YEATS2: variants seen among roughly 807,000 people sequenced by gnomAD.
YEATS2 encodes YEATS domain-containing protein 2.
Under a neutral mutation model 163.2 loss-of-function variants are expected in YEATS2, and 77 were observed. The ratio of observed to expected loss-of-function variants is 0.47; its 90% CI spans 0.39 to 0.57. The LOEUF is 0.57. Ranked by LOEUF, YEATS2 falls within the 20% of genes least tolerant of loss-of-function variation. YEATS2 has a pLI of 0.00. For missense variants in YEATS2, 1,549 were observed against 1,729.8 expected (o/e 0.90, Z 1.85); for synonymous variants, 631 against 645.1 (o/e 0.98, Z 0.33).
chr3:183,748,540 G>A (rs1339961590), intron 9 of YEATS2, among the ~76,000 whole-genome samples: 4 of 152,102 alleles, frequency 2.6e-5, no homozygotes, highest in African/African-American at 9.6e-5. Context: ...CAAAGTGCTG[G>A]GATTACAGGC....
intron 8 of YEATS2, among the ~76,000 whole-genome samples, chr3:183,740,578 G>A (rs576904380): frequency 6.6e-6 from 1 of 152,358 alleles, no homozygotes; most frequent in East Asian, 1.9e-4. Context: ...CTATTCTAGG[G>A]CAAGGCCCTA....
chr3:183,718,712 T>A (rs1716170109), intron 4 of YEATS2, 120 bp downstream of exon 4: 1 of 884,574 alleles, frequency 1.1e-6, no homozygotes. Flanking sequence ...TTTTGGTTTT[T>A]TTTTGAGACG....
chr3:183,785,820 C>T (rs930620075), intron 19 of YEATS2, among the ~76,000 whole-genome samples: 5 of 152,256 alleles, frequency 3.3e-5, no homozygotes, highest in African/African-American at 1.2e-4. Flanking sequence ...CATTTAAGAG[C>T]ATGTTGTAAT....
Position 183,754,227 on chromosome 3 carries a change from A to G in YEATS2, c.1252A>G (p.Thr418Ala), listed in dbSNP as rs754508211. ...PTKMTTSQKV[T>A]FCSHGNSAFQ... The stretch of plus-strand genomic sequence containing the variant: ...CAAAATGACTACATCCCAGAAAGTT[A>G]CCTTTTGTTCCCATGGCAATTCAGC... Residue 418 changes from threonine (T) to alanine (A), a missense_variant, in exon 11 of 31, where the codon ACC becomes GCC. By Grantham distance (58) the Thr-to-Ala change is moderately conservative. Coordinates refer to ENST00000305135, the MANE Select transcript of YEATS2 (RefSeq NM_018023.5). 2.5e-6 allele frequency: 4 copies of G among 1,613,994 alleles called. No individual in the cohort carries two copies. Among genetic ancestry groups the G allele is most frequent in the Non-Finnish European group, 3.4e-6 (4 of 1,179,942 alleles).
chr3:183,768,762 C>T (rs1004822418), intron 15 of YEATS2, among the ~76,000 whole-genome samples: 1 of 152,032 alleles, frequency 6.6e-6, no homozygotes, highest in Non-Finnish European at 1.5e-5. Context: ...CGCCTGAGGT[C>T]GGGAGTTCAA....
rs869091775 is a variant in YEATS2, at chr3:183,730,052, G to GTTT, written c.812+1234_812+1236dup. The stretch of plus-strand genomic sequence containing the variant: ...ATATTAATTGTGTGGTTTTTTGTTT[G>GTTT]TTTTTTTTTTTTTTTTTTTTTTTTT... On this transcript the variant is annotated intron_variant, in intron 7 of 30. Coordinates refer to ENST00000305135, the MANE Select transcript of YEATS2 (RefSeq NM_018023.5). 3.1e-3 allele frequency among the ~76,000 whole-genome samples: 129 copies of GTTT among 41,692 alleles called. 9 individuals carry two copies. The highest frequency in any genetic ancestry group is 4.4e-3 in the Non-Finnish European group (100 of 22,798). The allele number at this position is 41,692 out of a possible 152,430, so 27.4% of individuals were successfully genotyped here.
chr3:183,772,253 G>C (rs1398081290), intron 15 of YEATS2, 52 bp from the exon 16 acceptor site: 1 of 1,604,278 alleles, frequency 6.2e-7, no homozygotes, highest in African/African-American at 1.3e-5. Context: ...AACGGTGACT[G>C]CTGTTCTAAG....
intron 6 of YEATS2, 53 bp downstream of exon 6, chr3:183,724,584 G>A (rs1560237120): frequency 2.3e-6 from 3 of 1,330,326 alleles, no homozygotes; most frequent in East Asian, 2.4e-5. Flanking sequence ...TAATATTTTG[G>A]CATTAATACT....
chr3:183,731,550 T>A (rs548805616), intron 7 of YEATS2, among the ~76,000 whole-genome samples: 2 of 152,350 alleles, frequency 1.3e-5, no homozygotes, highest in South Asian at 4.1e-4. Flanking sequence ...GCAAAGACTA[T>A]TCCTGCAGTA....
At chr3:183,742,803 A>G (rs1437117284) in intron 8 of YEATS2, among the ~76,000 whole-genome samples, 1 of 152,260 alleles carries the variant, frequency 6.6e-6, no homozygotes, top group East Asian at 1.9e-4. Context: ...CTTTCATAAA[A>G]GGAAGTCAGT....
chr3:183,767,300 A>C (rs1406612732), intron 15 of YEATS2, among the ~76,000 whole-genome samples: 1 of 151,974 alleles, frequency 6.6e-6, no homozygotes, highest in Non-Finnish European at 1.5e-5. Context: ...GTCTTGACTC[A>C]CTGCAACCTC....
At chr3:183,774,613 A>G (rs930193106) in intron 17 of YEATS2, among the ~76,000 whole-genome samples, 2 of 152,230 alleles carry the variant, frequency 1.3e-5, no homozygotes, top group Non-Finnish European at 2.9e-5. Flanking sequence ...GTTTATCTGC[A>G]GTTAAAGAAA....
chr3:183,754,310 T>C lies in YEATS2; in HGVS notation c.1335T>C (p.Pro445=), dbSNP rs762618683. 8 of 1,614,062 alleles carry C rather than the reference T, an allele frequency of 5.0e-6. No homozygotes were observed. The South Asian group carries it at 7.7e-5, about 16-fold the overall frequency. Residue 445 remains proline, a synonymous_variant, in exon 11 of 31, where the codon CCT becomes CCC. Transcript: ENST00000305135. ...KIVPQSQVPN[P]ESPGKSFQPI... ...TTCCACAAAGTCAGGTTCCTAATCCTGAGTCACCTGGAAAATCCTTCCAGC... is the reference window on the plus strand; with the variant it reads ...TTCCACAAAGTCAGGTTCCTAATCCCGAGTCACCTGGAAAATCCTTCCAGC...
At chr3:183,730,195 G>A (rs1227543213) in intron 7 of YEATS2, among the ~76,000 whole-genome samples, 1 of 147,482 alleles carries the variant, frequency 6.8e-6, no homozygotes, top group Admixed American at 6.9e-5. Flanking sequence ...CTCCCAAGCA[G>A]CTGTGATTAC....
chr3:183,803,253 T>A lies in YEATS2; in HGVS notation c.3503-3T>A. The A allele has an allele frequency of 6.2e-7, 1 of 1,611,558 alleles. No homozygotes were observed. Among genetic ancestry groups the A allele is most frequent in the Non-Finnish European group, 8.5e-7 (1 of 1,179,810 alleles). On this transcript the variant is annotated splice_region_variant and splice_polypyrimidine_tract_variant and intron_variant, in intron 25 of 30. Transcript: ENST00000305135. ...CAGGCTTTGCTGGGTGTGTGCATTC[T>A]AGGTGAAGATGCCAGCTGCTTTTCT...
chr3:183,773,446 A>G (rs1722673972), intron 16 of YEATS2, among the ~76,000 whole-genome samples, 187 bp from the exon 17 acceptor site: 1 of 152,220 alleles, frequency 6.6e-6, no homozygotes, highest in Non-Finnish European at 1.5e-5. Flanking sequence ...TGGTCTATAA[A>G]TTATTTTTTA....
intron 1 of YEATS2, among the ~76,000 whole-genome samples, chr3:183,712,033 T>G (rs1284997294): frequency 6.6e-6 from 1 of 151,726 alleles, no homozygotes; most frequent in Non-Finnish European, 1.5e-5. Context: ...TTGGCTAGGC[T>G]GGTCTCGAAC....
intron 21 of YEATS2, 136 bp from the exon 22 acceptor site, chr3:183,797,787 T>G (rs1725298641): frequency 2.8e-6 from 3 of 1,054,090 alleles, no homozygotes; most frequent in African/African-American, 1.6e-5. Context: ...TGTCTCCTGC[T>G]TCTTGCTCTT....
At chr3:183,791,861 G>GCA (rs1390122150) in intron 21 of YEATS2, among the ~76,000 whole-genome samples, 1 of 152,190 alleles carries the variant, frequency 6.6e-6, no homozygotes, top group Admixed American at 6.5e-5. Context: ...GTAACAGAGA[G>GCA]CACACATCCT....
Sources: allele counts gnomAD v4.1 joint callset (sites outside exome capture counted in the v4.1 genomes callset), GRCh38; gene constraint gnomAD v4.1.1; transcripts MANE v1.5; gene names NCBI Gene and HGNC (gene_info 2026-07-23, HGNC 2026-07-21).